Variants in SGCD observed in about 807,000 individuals in gnomAD.
The protein encoded by SGCD is sarcoglycan delta.
Under a neutral mutation model 36.6 loss-of-function variants are expected in SGCD, and 18 were observed. That is an observed-to-expected ratio of 0.49 (90% confidence interval 0.34 to 0.73). SGCD has a LOEUF of 0.73. Among genes scored for constraint, SGCD ranks in the 30% least tolerant of loss-of-function variants. The pLI, the probability that SGCD is intolerant of heterozygous loss-of-function variation, is 0.01. For synonymous variants in SGCD, 133 were observed against 130.6 expected (o/e 1.02, Z -0.12); for missense variants, 387 against 346.7 (o/e 1.12, Z -0.92).
chr5:155,975,029 T>C (rs1388894785), intron 1 of SGCD, among the ~76,000 whole-genome samples: 1 of 152,160 alleles, frequency 6.6e-6, no homozygotes, highest in East Asian at 1.9e-4. Flanking sequence ...ATTTCTTCTG[T>C]GTCATGCCTC....
At chr5:155,903,599 A>C (rs994531938) in intron 1 of SGCD, among the ~76,000 whole-genome samples, 1 of 150,746 alleles carries the variant, frequency 6.6e-6, no homozygotes, top group African/African-American at 2.4e-5. Flanking sequence ...AGGGACTCTG[A>C]CTGGCATGGA....
intron 7 of SGCD, among the ~76,000 whole-genome samples, chr5:156,667,406 G>A (rs1023717806): frequency 1.3e-5 from 2 of 152,104 alleles, no homozygotes; most frequent in Non-Finnish European, 2.9e-5. Flanking sequence ...TTCTGTAATT[G>A]TCTTCCTCTC....
At chr5:156,650,180 T>G (rs1473182583) in intron 7 of SGCD, among the ~76,000 whole-genome samples, 1 of 152,106 alleles carries the variant, frequency 6.6e-6, no homozygotes, top group East Asian at 1.9e-4. Context: ...ACCCTGAAAC[T>G]TACCTTTAAA....
intron 2 of SGCD, among the ~76,000 whole-genome samples, chr5:156,339,715 C>T (rs909892843): frequency 9.2e-5 from 14 of 152,132 alleles, no homozygotes; most frequent in African/African-American, 3.4e-4. Context: ...CTTAAAAATA[C>T]CTTACTGCTA....
intron 6 of SGCD, among the ~76,000 whole-genome samples, chr5:156,595,337 G>T (rs1760884036): frequency 6.6e-6 from 1 of 152,134 alleles, no homozygotes; most frequent in Non-Finnish European, 1.5e-5. Flanking sequence ...TGGAATAGGA[G>T]CCTCACCAGA....
At chr5:155,883,412 A>G (rs951884492) in intron 1 of SGCD, among the ~76,000 whole-genome samples, 2 of 152,186 alleles carry the variant, frequency 1.3e-5, no homozygotes, top group African/African-American at 4.8e-5. Flanking sequence ...GATTTAATGT[A>G]AGAGACATGC....
chr5:156,024,868 G>T (rs1382600888), intron 1 of SGCD, among the ~76,000 whole-genome samples: 2 of 151,430 alleles, frequency 1.3e-5, no homozygotes, highest in African/African-American at 4.9e-5. Flanking sequence ...TGAGGCAGGA[G>T]AATTGCTTGA....
intron 3 of SGCD, among the ~76,000 whole-genome samples, chr5:156,182,465 C>A (rs1763632919): frequency 6.6e-6 from 1 of 152,110 alleles, no homozygotes; most frequent in Non-Finnish European, 1.5e-5. Context: ...ATGGCACAGG[C>A]CTGTAGTCCC....
chr5:156,110,506 C>T (rs1206688905), intron 1 of SGCD, among the ~76,000 whole-genome samples: 1 of 151,966 alleles, frequency 6.6e-6, no homozygotes, highest in Non-Finnish European at 1.5e-5. Context: ...CTCCTCCTGA[C>T]ACACTTTCTG....
At chr5:156,438,669 C>G (rs1460941492) in intron 3 of SGCD, among the ~76,000 whole-genome samples, 1 of 152,132 alleles carries the variant, frequency 6.6e-6, no homozygotes, top group Non-Finnish European at 1.5e-5. Context: ...ATTCTACCAA[C>G]TCTTTTCTTT....
the SGCD span, among the ~76,000 whole-genome samples, chr5:155,842,355 A>G: frequency 6.6e-6 from 1 of 151,208 alleles, no homozygotes; most frequent in Admixed American, 6.6e-5. Context: ...TGGGTGGATC[A>G]CAAAGTCAGG....
At chr5:155,981,596 C>T (rs1289330904) in intron 1 of SGCD, among the ~76,000 whole-genome samples, 1 of 152,134 alleles carries the variant, frequency 6.6e-6, no homozygotes, top group African/African-American at 2.4e-5. Context: ...TTTACGTTTT[C>T]AACCTATTTC....
intron 1 of SGCD, among the ~76,000 whole-genome samples, chr5:156,054,284 C>CTTTTTTTTTTT (rs70981996): frequency 1.2e-5 from 1 of 80,396 alleles, no homozygotes; most frequent in African/African-American, 3.8e-5. Flanking sequence ...AACTTTCCTT[C>CTTTTTTTTTTT]TTTTTTTTTT....
chr5:156,544,743 A>G (rs752383986), intron 4 of SGCD, among the ~76,000 whole-genome samples: 1 of 152,214 alleles, frequency 6.6e-6, no homozygotes, highest in Non-Finnish European at 1.5e-5. Flanking sequence ...CATACACTCA[A>G]AGGTATGTAC....
intron 1 of SGCD, among the ~76,000 whole-genome samples, chr5:155,997,631 C>T (rs1037648304): frequency 6.6e-6 from 1 of 152,206 alleles, no homozygotes; most frequent in Middle Eastern, 3.2e-3. Flanking sequence ...TTCTTCCAGC[C>T]CCACAGGCAA....
rs1333648744 is a variant in SGCD at position 156,055,147 on chromosome 5, TA to T, written c.-281-62730del. On this transcript the variant is annotated intron_variant, in intron 1 of 9. Coordinates refer to the SGCD transcript ENST00000517913. ...ATAGCAGTGCCAGCTTCCAGTTTTC[TA>T]TTTTTTTTTTTCCCCATAGAAGAAT... Among the ~76,000 whole-genome samples the T allele has an allele frequency of 1.8e-4, 24 of 131,676 alleles. 2 individuals are homozygous for T. Among genetic ancestry groups the T allele is most frequent in the African/African-American group, 7.2e-4 (20 of 27,800 alleles). The allele number at this position is 131,676 out of a possible 152,430, so 86.4% of individuals were successfully genotyped here.
intron 3 of SGCD, among the ~76,000 whole-genome samples, chr5:156,266,567 C>T (rs1388691921): frequency 6.6e-6 from 1 of 152,158 alleles, no homozygotes; most frequent in Non-Finnish European, 1.5e-5. Flanking sequence ...ACTGCAGCCT[C>T]CAACTCCTGG....
chr5:156,205,590 T>C (rs919935029), intron 3 of SGCD, among the ~76,000 whole-genome samples: 1 of 151,954 alleles, frequency 6.6e-6, no homozygotes, highest in Non-Finnish European at 1.5e-5. Flanking sequence ...TGTCTGTGAG[T>C]TTTCCAGCCA....
At chr5:156,553,304 C>T (rs1276380579) in intron 4 of SGCD, among the ~76,000 whole-genome samples, 3 of 152,144 alleles carry the variant, frequency 2.0e-5, no homozygotes, top group Admixed American at 6.5e-5. Flanking sequence ...AACATTCAAA[C>T]CATAGCAGGT....
Sources: allele counts gnomAD v4.1 joint callset (sites outside exome capture counted in the v4.1 genomes callset), GRCh38; gene constraint gnomAD v4.1.1; transcripts MANE v1.5; gene names NCBI Gene and HGNC (gene_info 2026-07-23, HGNC 2026-07-21).